MTCL3: variants seen among roughly 807,000 people sequenced by gnomAD.
MTCL3 encodes microtubule cross-linking factor 3.
the MTCL3 span, among the ~76,000 whole-genome samples, chr6:127,501,242 T>G: frequency 6.6e-6 from 1 of 152,226 alleles, no homozygotes; most frequent in African/African-American, 2.4e-5. Context: ...CTCTAGAACA[T>G]AATTATTCTA....
At chr6:127,497,049 G>T in the MTCL3 span, among the ~76,000 whole-genome samples, 1 of 152,150 alleles carries the variant, frequency 6.6e-6, no homozygotes, top group South Asian at 2.1e-4. Context: ...CAATAAATGG[G>T]CATGAAGAAT....
the MTCL3 span, among the ~76,000 whole-genome samples, chr6:127,502,940 A>G: frequency 6.6e-6 from 1 of 152,228 alleles, no homozygotes. Context: ...TTCTAGTCCT[A>G]TGTTCCTAGT....
At chr6:127,514,967 T>G in the MTCL3 span, 8 of 1,614,038 alleles carry the variant, frequency 5.0e-6, no homozygotes, top group Non-Finnish European at 5.9e-6. Flanking sequence ...CGTGGCGCAT[T>G]TCCTGCAGTT....
At chr6:127,515,305 C>G in the MTCL3 span, among the ~76,000 whole-genome samples, 3 of 152,104 alleles carry the variant, frequency 2.0e-5, no homozygotes, top group Non-Finnish European at 2.9e-5. This position sits in a 1 kb window ranked among gnomAD's most constrained non-coding sequence, Gnocchi z 4.3. Context: ...AACGGAGGCC[C>G]AGATTTGAAT....
chr6:127,482,464 C>T, the MTCL3 span, among the ~76,000 whole-genome samples: 1 of 152,194 alleles, frequency 6.6e-6, no homozygotes, highest in Non-Finnish European at 1.5e-5. This position sits in a 1 kb window ranked among gnomAD's most constrained non-coding sequence, Gnocchi z 4.1. Flanking sequence ...TTTTGCTTCT[C>T]CAATCACTGG....
chr6:127,476,321 T>A, the MTCL3 span: 4 of 1,614,220 alleles, frequency 2.5e-6, no homozygotes, highest in Non-Finnish European at 3.4e-6. The surrounding 1 kb of genome is among the most constrained non-coding windows in gnomAD (Gnocchi z 4.4). Flanking sequence ...GGCAAAGGAC[T>A]GTCCAGATCC....
At chr6:127,515,694 G>A in the MTCL3 span, 1 of 1,558,458 alleles carries the variant, frequency 6.4e-7, no homozygotes, top group Non-Finnish European at 8.6e-7. The surrounding 1 kb of genome is among the most constrained non-coding windows in gnomAD (Gnocchi z 4.3). Flanking sequence ...TTGGGGAGGC[G>A]GAGGCGACGG....
the MTCL3 span, chr6:127,475,150 G>T: frequency 1.3e-6 from 1 of 777,826 alleles, no homozygotes; most frequent in East Asian, 3.0e-5. This position sits in a 1 kb window ranked among gnomAD's most constrained non-coding sequence, Gnocchi z 7.3. Context: ...GCCGAGGCCG[G>T]GGGTTTCAGG....
At chr6:127,506,674 G>T in the MTCL3 span, among the ~76,000 whole-genome samples, 3 of 151,998 alleles carry the variant, frequency 2.0e-5, no homozygotes, top group Admixed American at 2.0e-4. Flanking sequence ...TCCGCCTCTC[G>T]GGTTCATAAC....
chr6:127,485,286 A>T, the MTCL3 span, among the ~76,000 whole-genome samples: 1 of 152,042 alleles, frequency 6.6e-6, no homozygotes, highest in African/African-American at 2.4e-5. Context: ...GAGGAGGAAA[A>T]GGGAAAAAAA....
At chr6:127,482,558 T>G in the MTCL3 span, among the ~76,000 whole-genome samples, 2 of 152,228 alleles carry the variant, frequency 1.3e-5, no homozygotes, top group African/African-American at 4.8e-5. This position sits in a 1 kb window ranked among gnomAD's most constrained non-coding sequence, Gnocchi z 4.1. Context: ...CAACATTCCT[T>G]TCTTTACTTT....
the MTCL3 span, chr6:127,516,196 G>C: frequency 7.0e-7 from 1 of 1,433,662 alleles, no homozygotes. Flanking sequence ...GGGCGGTCCG[G>C]GCCTCCTGCC....
At chr6:127,488,865 C>T in the MTCL3 span, among the ~76,000 whole-genome samples, 111 of 152,166 alleles carry the variant, frequency 7.3e-4, 1 homozygote, top group East Asian at 0.012. Flanking sequence ...AAAAATAATG[C>T]AAACTTAAAA....
the MTCL3 span, among the ~76,000 whole-genome samples, chr6:127,481,953 G>A: frequency 5.9e-5 from 9 of 152,164 alleles, no homozygotes; most frequent in East Asian, 1.9e-4. Flanking sequence ...ACCTCTGGTC[G>A]TCTTCACTGC....
chr6:127,475,665 G>A, the MTCL3 span: 2 of 1,591,454 alleles, frequency 1.3e-6, no homozygotes, highest in South Asian at 1.1e-5. This position sits in a 1 kb window ranked among gnomAD's most constrained non-coding sequence, Gnocchi z 7.3. Flanking sequence ...AGCGGATGTT[G>A]CGCACCTCCT....
At chr6:127,496,200 C>T in the MTCL3 span, among the ~76,000 whole-genome samples, 3 of 152,048 alleles carry the variant, frequency 2.0e-5, no homozygotes, top group Non-Finnish European at 4.4e-5. Flanking sequence ...AGACTTATTT[C>T]CTAAAGTAAT....
the MTCL3 span, among the ~76,000 whole-genome samples, chr6:127,493,166 GAGA>G: frequency 4.6e-5 from 7 of 152,174 alleles, no homozygotes; most frequent in African/African-American, 1.7e-4. Context: ...TCCTAGGCAA[GAGA>G]AGAACAATAA....
the MTCL3 span, chr6:127,516,529 G>C: frequency 6.3e-7 from 1 of 1,598,610 alleles, no homozygotes; most frequent in South Asian, 1.1e-5. Context: ...GCTGCCCTCC[G>C]GGTGCAGACG....
chr6:127,516,342 C>T, the MTCL3 span: 9 of 1,589,134 alleles, frequency 5.7e-6, no homozygotes, highest in Admixed American at 8.6e-5. Context: ...TGCTGGCGGG[C>T]GGCCCCGTGC....
Sources: gnomAD v4.1 joint callset for allele counts (sites outside exome capture counted in the v4.1 genomes callset) on GRCh38, gnomAD v4.1.1 for gene constraint, Gnocchi (gnomAD v3.1) non-coding constraint, MANE v1.5 for transcripts, NCBI Gene and HGNC (gene_info 2026-07-23, HGNC 2026-07-21) for gene names.